CPM: variants seen among roughly 807,000 people sequenced by gnomAD.
The protein encoded by CPM is carboxypeptidase M, also known as renal carboxypeptidase.
In CPM, 35 loss-of-function variants were observed where a neutral mutation model predicts 46.4. The observed-to-expected ratio is 0.75, with a 90% confidence interval of 0.58 to 1.00. The LOEUF is 1.00. Among genes scored for constraint, CPM ranks in the 50% least tolerant of loss-of-function variants. The probability of loss-of-function intolerance (pLI) is 0.00; values close to 1 mark genes in which losing one functional copy is unlikely to be tolerated. For missense variants in CPM, 422 were observed against 530.4 expected, an observed-to-expected ratio of 0.80 and a Z score of 2.01; for synonymous variants, 195 against 195.3, an observed-to-expected ratio of 1.00 and a Z score of 0.01.
At chr12:68,851,028 A>G (rs1446273587), downstream of CPM, 1 of 152,396 alleles carries the variant, frequency 6.6e-6, no homozygotes, top group Non-Finnish European at 1.5e-5. Context: ...GACTTTGAAG[A>G]GTTGTTGCAA....
intron 2 of CPM, among the ~76,000 whole-genome samples, chr12:68,888,122 G>A (rs1347848927): frequency 6.6e-6 from 1 of 152,116 alleles, no homozygotes; most frequent in Admixed American, 6.5e-5. Context: ...TAATTATACA[G>A]AATATGATCT....
chr12:68,865,500 T>C (rs1374097461), intron 7 of CPM, among the ~76,000 whole-genome samples: 1 of 152,198 alleles, frequency 6.6e-6, no homozygotes, highest in Non-Finnish European at 1.5e-5. Flanking sequence ...TCCCTCATCC[T>C]TCTCCATCTT....
chr12:68,885,825 C>T lies in CPM; in HGVS notation c.225G>A (p.Glu75=). 1 of 1,614,162 alleles carries T rather than the reference C, an allele frequency of 6.2e-7. No individual in the cohort carries two copies. Reference sequence around the variant, plus strand: ...CATGCATATTTGCCACGTATTTGAACTCTGGAATCCCAATTCTGTGTTCCT... The same window carrying T: ...CATGCATATTTGCCACGTATTTGAATTCTGGAATCCCAATTCTGTGTTCCT... ...FPKEHRIGIP[E]FKYVANMHGD... is the part of the protein sequence containing the mutation. Residue 75 remains glutamate (E), a synonymous_variant, in exon 3 of 9, where the codon GAG becomes GAA. Transcript: ENST00000551568.
intron 1 of CPM, among the ~76,000 whole-genome samples, chr12:68,938,494 A>G (rs1266779491): frequency 6.6e-6 from 1 of 152,086 alleles, no homozygotes; most frequent in Non-Finnish European, 1.5e-5. Flanking sequence ...TGTTTCTGGT[A>G]TTTCTTTATT....
At chr12:68,936,979 G>A (rs928763029), upstream of CPM, among the ~76,000 whole-genome samples, 2 of 152,314 alleles carry the variant, frequency 1.3e-5, no homozygotes, top group Middle Eastern at 3.4e-3. Flanking sequence ...AGAATTACAA[G>A]TTAAAAGGGT....
intron 3 of CPM, among the ~76,000 whole-genome samples, chr12:68,877,603 T>TA (rs1886015994): frequency 6.6e-6 from 1 of 152,188 alleles, no homozygotes. Context: ...TAAAATGAAT[T>TA]AGATATTTCA....
intron 2 of CPM, among the ~76,000 whole-genome samples, chr12:68,922,278 C>T (rs1028476047): frequency 3.3e-5 from 5 of 152,048 alleles, no homozygotes; most frequent in African/African-American, 4.8e-5. Flanking sequence ...TGTATATGTG[C>T]GTGTGTATTA....
chr12:68,920,902 A>C (rs1301041580), intron 2 of CPM, among the ~76,000 whole-genome samples: 1 of 148,940 alleles, frequency 6.7e-6, no homozygotes, highest in Non-Finnish European at 1.5e-5. Context: ...GGGTTTTGCC[A>C]CGTTGGCCAG....
At chr12:68,953,665 T>C (rs1265098947) in intron 1 of CPM, among the ~76,000 whole-genome samples, 2 of 152,242 alleles carry the variant, frequency 1.3e-5, no homozygotes, top group Non-Finnish European at 2.9e-5. Flanking sequence ...TGGTGCAGCC[T>C]GGAGGCAGAG....
chr12:68,953,210 G>T (rs980074166), intron 1 of CPM, among the ~76,000 whole-genome samples: 2 of 152,060 alleles, frequency 1.3e-5, no homozygotes, highest in African/African-American at 2.4e-5. Flanking sequence ...ACGTGCCCCG[G>T]TAACGGTGAG....
At chr12:68,916,309 T>C (rs967347153) in intron 2 of CPM, among the ~76,000 whole-genome samples, 1 of 152,184 alleles carries the variant, frequency 6.6e-6, no homozygotes, top group Non-Finnish European at 1.5e-5. Context: ...TTCCTTTCTG[T>C]GTGATCTGTG....
chr12:68,930,448 G>C (rs186065063), intron 2 of CPM, among the ~76,000 whole-genome samples: 1 of 152,274 alleles, frequency 6.6e-6, no homozygotes, highest in East Asian at 1.9e-4. Context: ...AAAATATCTA[G>C]TGAAAAAGAC....
rs10530969 is a variant in CPM, at chr12:68,957,321, G to GAA, written c.-4+5846_-4+5847dup. 6.1e-3 allele frequency: 831 copies of GAA among 136,992 alleles called. 4 individuals carry two copies. The highest frequency in any genetic ancestry group is 0.022 in the African/African-American group (772 of 35,618). 8.5% of individuals were successfully genotyped at this position (136,992 alleles called of 1,614,324 possible). The stretch of plus-strand genomic sequence containing the variant: ...TGCTGTGACCAAGCAGTGATTCTCA[G>GAA]AAAAAAAAAAAAAAAGTGGTCATGG... On this transcript the variant is annotated intron_variant, in intron 1 of 8. Coordinates refer to the CPM transcript ENST00000546373.
At position 68,869,464 on chromosome 12, in the gene CPM, C is replaced by T. The variant is rs760998047; in HGVS notation, c.648G>A (p.Thr216=). ...GATATTGAAAAACATCATCATCAGG[C>T]GTTAAGCTTCGGGAGTATAATGCCC... ...ATGALYSRSL[T]PDDDVFQYLA... is the part of the protein sequence containing the mutation. The change falls in exon 6 of 9, where the codon ACG becomes ACA. Residue 216 remains threonine (T), a synonymous_variant. Transcript: ENST00000551568. 1.1e-5 allele frequency: 18 copies of T among 1,612,052 alleles called. No individual in the cohort carries two copies. The highest frequency in any genetic ancestry group is 1.0e-4 in the Admixed American group (6 of 59,714).
intron 2 of CPM, among the ~76,000 whole-genome samples, chr12:68,897,056 G>A (rs1236729945): frequency 6.6e-6 from 1 of 152,108 alleles, no homozygotes; most frequent in Non-Finnish European, 1.5e-5. Context: ...CAGGAAGACG[G>A]TAGGAAATTC....
At chr12:68,915,456 G>A (rs548719448) in intron 2 of CPM, among the ~76,000 whole-genome samples, 1 of 152,108 alleles carries the variant, frequency 6.6e-6, no homozygotes, top group Admixed American at 6.6e-5. Flanking sequence ...TTTCCCAGTC[G>A]CTTTACCTGG....
intron 2 of CPM, among the ~76,000 whole-genome samples, chr12:68,894,093 GCAC>G (rs759634864): frequency 3.4e-4 from 51 of 152,172 alleles, no homozygotes; most frequent in Admixed American, 9.8e-4. Flanking sequence ...CCCCTTGGCT[GCAC>G]CACCACCACC....
At chr12:68,939,438 G>A (rs1197803359) in intron 1 of CPM, among the ~76,000 whole-genome samples, 2 of 150,632 alleles carry the variant, frequency 1.3e-5, no homozygotes, top group African/African-American at 4.9e-5. Flanking sequence ...CTACATTATT[G>A]CTAAATTAGA....
chr12:68,925,451 A>G (rs138742933), intron 2 of CPM, among the ~76,000 whole-genome samples: 26 of 152,358 alleles, frequency 1.7e-4, no homozygotes, highest in East Asian at 5.8e-4. Flanking sequence ...CTTAGCTACA[A>G]GGATGTTCAC....
Sources: allele counts gnomAD v4.1 joint callset (sites outside exome capture counted in the v4.1 genomes callset), GRCh38; gene constraint gnomAD v4.1.1; transcripts MANE v1.5; gene names NCBI Gene and HGNC (gene_info 2026-07-23, HGNC 2026-07-21).